Variants in PSMB7 observed in about 807,000 individuals in gnomAD.
PSMB7 encodes proteasome 20S subunit beta 7.
A neutral mutation model predicts 28.1 loss-of-function variants in PSMB7; 5 were observed. That is an observed-to-expected ratio of 0.18 (90% CI 0.09 to 0.37). The LOEUF (loss-of-function observed/expected upper bound fraction) is 0.37. PSMB7 is among the 10% of genes least tolerant of loss of function. The pLI, the probability that PSMB7 is intolerant of heterozygous loss-of-function variation, is 1.00. For missense variants in PSMB7, 275 were observed against 346.2 expected (o/e 0.79, Z 1.63); for synonymous variants, 122 against 123.7 (o/e 0.99, Z 0.09).
chr9:124,370,944 C>A (rs2131150795), intron 6 of PSMB7, among the ~76,000 whole-genome samples: 1 of 152,312 alleles, frequency 6.6e-6, no homozygotes, highest in Admixed American at 6.5e-5. Flanking sequence ...CTTCATCATG[C>A]TTCCGTGTAT....
At chr9:124,388,463 G>A (rs942836777) in intron 5 of PSMB7, among the ~76,000 whole-genome samples, 2 of 152,196 alleles carry the variant, frequency 1.3e-5, no homozygotes, top group Non-Finnish European at 2.9e-5. Flanking sequence ...CTAAGCACCC[G>A]CCAGGTGCCA....
chr9:124,393,874 G>C (rs567910121), intron 5 of PSMB7, among the ~76,000 whole-genome samples: 23 of 152,194 alleles, frequency 1.5e-4, no homozygotes, highest in African/African-American at 5.3e-4. Context: ...ACCTACCCCT[G>C]TTTAGAGGAC....
At position 124,374,999 on chromosome 9, in the gene PSMB7, G is replaced by T. The variant is rs148310737; in HGVS notation, c.570+9599C>A. ...CTACTAAAAATACAAAAATCAGCCG[G>T]GCATGGTGGCGCACACCTGTAATCC... is the stretch of plus-strand genomic sequence containing the variant. On this transcript the variant is annotated intron_variant, in intron 6 of 7. Transcript: ENST00000259457. Among the ~76,000 whole-genome samples, 332 of 151,844 alleles carry T rather than the reference G, an allele frequency of 2.2e-3. 1 individual carries two copies. Among genetic ancestry groups the T allele is most frequent in the African/African-American group, 7.9e-3 (326 of 41,398 alleles).
chr9:124,406,413 G>A (rs766804325), intron 4 of PSMB7, among the ~76,000 whole-genome samples: 13 of 149,810 alleles, frequency 8.7e-5, no homozygotes, highest in Non-Finnish European at 1.9e-4. Context: ...AAGGTGAGAG[G>A]ATCCCTTGAG....
chr9:124,405,113 A>C (rs1320320692), intron 5 of PSMB7, among the ~76,000 whole-genome samples: 1 of 152,204 alleles, frequency 6.6e-6, no homozygotes, highest in Non-Finnish European at 1.5e-5. Flanking sequence ...CGAGAGCAGG[A>C]ATCACTATCA....
chr9:124,393,791 T>C (rs1830814804), intron 5 of PSMB7, among the ~76,000 whole-genome samples: 1 of 152,262 alleles, frequency 6.6e-6, no homozygotes, highest in African/African-American at 2.4e-5. Context: ...AGAGGTTTTA[T>C]TTCATTAATG....
chr9:124,353,528 CAT>C lies in PSMB7; in HGVS notation c.*68_*69del, dbSNP rs1319466163. ...AGTTTCATTCGGCAAACACTAGCCA[CAT>C]GAGTGTCTTACTGGGCCTCAATGCT... On this transcript the variant is annotated 3_prime_UTR_variant, in exon 8 of 8. Transcript: ENST00000259457. The C allele has an allele frequency of 1.1e-5, 12 of 1,136,436 alleles. No individual in the cohort carries two copies. The Admixed American group carries it at 1.6e-4, about 15-fold the overall frequency. 70.4% of individuals were successfully genotyped at this position (1,136,436 alleles called of 1,614,324 possible).
chr9:124,408,649 T>A (rs1186645243), intron 4 of PSMB7, among the ~76,000 whole-genome samples: 1 of 152,188 alleles, frequency 6.6e-6, no homozygotes, highest in African/African-American at 2.4e-5. Context: ...AACTTCTCTA[T>A]GGGCTCAAGA....
At chr9:124,355,760 C>A (rs1309030546) in intron 7 of PSMB7, among the ~76,000 whole-genome samples, 1 of 152,224 alleles carries the variant, frequency 6.6e-6, no homozygotes, top group East Asian at 1.9e-4. Context: ...GCCACCAACA[C>A]TCCCCAACCC....
chr9:124,398,231 C>T (rs1330457390), intron 5 of PSMB7, among the ~76,000 whole-genome samples: 1 of 151,358 alleles, frequency 6.6e-6, no homozygotes, highest in Non-Finnish European at 1.5e-5. Flanking sequence ...TACCCAACTC[C>T]TCACTCCCTC....
At chr9:124,394,411 A>G (rs1011074226) in intron 5 of PSMB7, among the ~76,000 whole-genome samples, 16 of 152,242 alleles carry the variant, frequency 1.1e-4, no homozygotes, top group Non-Finnish European at 1.6e-4. Flanking sequence ...AAGAGCAGAT[A>G]AAGATGAGCT....
At position 124,402,017 on chromosome 9, in the gene PSMB7, T is replaced by C. The variant is rs566064256; in HGVS notation, c.511+3300A>G. Reference sequence around the variant, plus strand: ...CCGGGTGACAGTGCGAGACTCAGTCTCAAAAAAAAAAAAAAGCTGATAAAT... The same window carrying C: ...CCGGGTGACAGTGCGAGACTCAGTCCCAAAAAAAAAAAAAAGCTGATAAAT... On this transcript the variant is annotated intron_variant, in intron 5 of 7. Transcript: ENST00000259457. Among the ~76,000 whole-genome samples the C allele has an allele frequency of 8.6e-4, 87 of 101,690 alleles. 1 individual carries two copies. Among genetic ancestry groups the C allele is most frequent in the African/African-American group, 2.5e-3 (85 of 33,588 alleles). 66.7% of individuals were successfully genotyped at this position (101,690 alleles called of 152,430 possible). A position where few individuals can be genotyped will look rare whatever the true frequency, so the allele number is the denominator to read the frequency against.
chr9:124,385,918 T>G (rs1032578351), intron 5 of PSMB7, among the ~76,000 whole-genome samples: 1 of 152,110 alleles, frequency 6.6e-6, no homozygotes, highest in Non-Finnish European at 1.5e-5. Context: ...AACAGCAGAT[T>G]TACAGACACA....
At chr9:124,382,349 A>G (rs556839931) in intron 6 of PSMB7, among the ~76,000 whole-genome samples, 1 of 149,990 alleles carries the variant, frequency 6.7e-6, no homozygotes, top group South Asian at 2.1e-4. Flanking sequence ...CTGGGATTAC[A>G]GGCGCCCGGT....
intron 4 of PSMB7, among the ~76,000 whole-genome samples, chr9:124,409,019 C>T (rs1040955410): frequency 3.9e-5 from 6 of 152,176 alleles, no homozygotes; most frequent in African/African-American, 1.4e-4. Flanking sequence ...TATTACTGAA[C>T]TTATTTTTAA....
At chr9:124,364,997 A>C (rs1830493769) in intron 6 of PSMB7, among the ~76,000 whole-genome samples, 1 of 152,256 alleles carries the variant, frequency 6.6e-6, no homozygotes, top group South Asian at 2.1e-4. Flanking sequence ...GACAAGGCCC[A>C]GGCAGAACCA....
chr9:124,371,210 TA>T (rs1374643609), intron 6 of PSMB7, among the ~76,000 whole-genome samples: 1 of 152,242 alleles, frequency 6.6e-6, no homozygotes, highest in East Asian at 1.9e-4. Context: ...TCTTCACCAC[TA>T]AACCAGATTT....
intron 4 of PSMB7, among the ~76,000 whole-genome samples, chr9:124,411,328 A>G (rs1831025653): frequency 6.6e-6 from 1 of 152,216 alleles, no homozygotes; most frequent in South Asian, 2.1e-4. Flanking sequence ...CACTATTTAA[A>G]AAGAAAAAAA....
intron 5 of PSMB7, among the ~76,000 whole-genome samples, chr9:124,401,697 A>G (rs528021368): frequency 1.1e-3 from 160 of 152,294 alleles, no homozygotes; most frequent in African/African-American, 3.8e-3. Context: ...GCTGCCTGCT[A>G]TAGTGCCTTT....
Sources: gnomAD v4.1 joint callset for allele counts (sites outside exome capture counted in the v4.1 genomes callset) on GRCh38, gnomAD v4.1.1 for gene constraint, MANE v1.5 for transcripts, NCBI Gene and HGNC (gene_info 2026-07-23, HGNC 2026-07-21) for gene names.